Variants in CCDC191 observed in about 807,000 individuals in gnomAD.
CCDC191 encodes the protein coiled-coil domain containing 191.
CCDC191 carries 99 observed loss-of-function variants against 114.0 expected under a neutral mutation model. That is an observed-to-expected ratio of 0.87 (90% CI 0.74 to 1.03). The LOEUF is 1.03. CCDC191 is among the 50% of genes least tolerant of loss of function. The pLI is 0.00. For missense variants in CCDC191, 973 were observed against 1,087.0 expected (o/e 0.90, Z 1.47); for synonymous variants, 351 against 376.0 (o/e 0.93, Z 0.77).
At chr3:114,016,544 A>C (rs2076161309) in intron 8 of CCDC191, among the ~76,000 whole-genome samples, 1 of 152,208 alleles carries the variant, frequency 6.6e-6, no homozygotes, top group Non-Finnish European at 1.5e-5. Context: ...ATAGTAAAAA[A>C]TTATTGTAAG....
At chr3:113,999,762 T>G (rs187928886) in intron 13 of CCDC191, among the ~76,000 whole-genome samples, 2 of 152,202 alleles carry the variant, frequency 1.3e-5, no homozygotes, top group Non-Finnish European at 2.9e-5. Context: ...ATGAATACAT[T>G]TGTGCATTTT....
chr3:114,026,383 C>T (rs2076320695), intron 7 of CCDC191, among the ~76,000 whole-genome samples: 1 of 152,250 alleles, frequency 6.6e-6, no homozygotes, highest in South Asian at 2.1e-4. Flanking sequence ...CCTCCCAAGA[C>T]ATATACCACA....
intron 7 of CCDC191, among the ~76,000 whole-genome samples, chr3:114,030,992 A>T (rs2076396729): frequency 6.6e-6 from 1 of 152,214 alleles, no homozygotes; most frequent in African/African-American, 2.4e-5. Flanking sequence ...CTGAAATGTT[A>T]TAATCCCAAA....
intron 8 of CCDC191, among the ~76,000 whole-genome samples, chr3:114,011,616 A>C (rs2076071723): frequency 6.6e-6 from 1 of 152,220 alleles, no homozygotes; most frequent in Non-Finnish European, 1.5e-5. Flanking sequence ...TGTCTGCCCC[A>C]AGAAGGTACT....
intron 3 of CCDC191, among the ~76,000 whole-genome samples, chr3:114,043,708 A>G (rs763206768): frequency 8.5e-5 from 13 of 152,198 alleles, no homozygotes; most frequent in Admixed American, 2.0e-4. Context: ...AAAATAAACT[A>G]TAGGGGATAA....
At chr3:114,000,809 G>A (rs1221219113) in intron 13 of CCDC191, among the ~76,000 whole-genome samples, 4 of 151,760 alleles carry the variant, frequency 2.6e-5, no homozygotes, top group Admixed American at 6.6e-5. Flanking sequence ...GTGTCACTGC[G>A]CCCAGATGAT....
intron 7 of CCDC191, among the ~76,000 whole-genome samples, chr3:114,027,859 G>T (rs2076347114): frequency 6.6e-6 from 1 of 152,120 alleles, no homozygotes; most frequent in Non-Finnish European, 1.5e-5. Flanking sequence ...GTCATACCTA[G>T]GCTGCTGAGT....
rs1257729081 is a variant in CCDC191, at chr3:113,965,318, A to G, written c.2648T>C (p.Val883Ala). The G allele has an allele frequency of 1.2e-6, 2 of 1,610,360 alleles. No individual in the cohort carries two copies. Among genetic ancestry groups the G allele is most frequent in the Admixed American group, 1.7e-5 (1 of 59,476 alleles). Residue 883 changes from valine (V) to alanine (A), a missense_variant, in exon 17 of 17, where the codon GTA becomes GCA. Val to Ala is a moderately conservative substitution (Grantham distance 64, BLOSUM62 0). Coordinates refer to ENST00000295878, the MANE Select transcript of CCDC191 (RefSeq NM_020817.2). ...WITLRTWKKF[V>A]KFMKEERVKE... Reference sequence around the variant, plus strand: ...TACTCTTTCCTCTTTCATAAATTTTACAAACTTCTTCCATGTCCGAAGGGT... The same window carrying G: ...TACTCTTTCCTCTTTCATAAATTTTGCAAACTTCTTCCATGTCCGAAGGGT...
chr3:113,980,471 C>T (rs540052846), intron 14 of CCDC191, among the ~76,000 whole-genome samples, 179 bp downstream of exon 14: 78 of 152,192 alleles, frequency 5.1e-4, no homozygotes, highest in African/African-American at 1.8e-3. Flanking sequence ...TACAAAAGTC[C>T]TTCTCTACCT....
In CCDC191 at chr3:114,012,881, G is replaced by A. The variant is rs182271552; in HGVS notation, c.1164-1860C>T. Among the ~76,000 whole-genome samples the A allele has an allele frequency of 3.9e-5, 6 of 152,228 alleles. No homozygotes were observed. The East Asian group carries it at 1.2e-3, about 29-fold the overall frequency. ...CTGTAACTATAACAAGACTAAAAAAGTAAGAAAATGAGTAAAAAAATGCAT... is the reference window on the plus strand; with the variant it reads ...CTGTAACTATAACAAGACTAAAAAAATAAGAAAATGAGTAAAAAAATGCAT... On this transcript the variant is annotated intron_variant, in intron 8 of 16. Coordinates refer to ENST00000295878, the MANE Select transcript of CCDC191 (RefSeq NM_020817.2).
intron 8 of CCDC191, among the ~76,000 whole-genome samples, chr3:114,017,292 T>C (rs1415964031): frequency 2.6e-5 from 4 of 152,146 alleles, no homozygotes; most frequent in Non-Finnish European, 5.9e-5. Flanking sequence ...CATGAAAAGC[T>C]CAGATCAAGG....
intron 13 of CCDC191, among the ~76,000 whole-genome samples, chr3:113,990,835 G>A (rs972516759): frequency 6.7e-5 from 10 of 149,000 alleles, no homozygotes; most frequent in Non-Finnish European, 1.5e-4. Context: ...GTGTGGTGGT[G>A]CATGCTTAGA....
At chr3:114,036,413 AAATT>A (rs1385337564) in intron 5 of CCDC191, among the ~76,000 whole-genome samples, 191 bp downstream of exon 5, 1 of 151,426 alleles carries the variant, frequency 6.6e-6, no homozygotes, top group Non-Finnish European at 1.5e-5. Context: ...TTTCTTAAAT[AAATT>A]GTTTCCTACC....
At chr3:113,978,809 A>G in intron 15 of CCDC191, 49 bp downstream of exon 15, 1 of 1,567,572 alleles carries the variant, frequency 6.4e-7, no homozygotes, top group Non-Finnish European at 8.7e-7. Context: ...TTTCTTAAAT[A>G]GAATTGAGCA....
chr3:113,975,914 G>GATT (rs1428680803), intron 16 of CCDC191, among the ~76,000 whole-genome samples: 63 of 152,256 alleles, frequency 4.1e-4, no homozygotes, highest in South Asian at 4.1e-4. Flanking sequence ...TTCCTACATT[G>GATT]ATTTCACAAC....
chr3:114,001,747 A>G, intron 12 of CCDC191, 51 bp from the exon 13 acceptor site: 4 of 1,608,524 alleles, frequency 2.5e-6, no homozygotes, highest in Non-Finnish European at 2.5e-6. Context: ...TTGAACAGAA[A>G]TGTGATCTTT....
chr3:114,032,023 C>T (rs1474557445), intron 6 of CCDC191, among the ~76,000 whole-genome samples: 2 of 151,906 alleles, frequency 1.3e-5, no homozygotes, highest in Admixed American at 6.6e-5. Flanking sequence ...CTTATAGATA[C>T]TTTAGTATTT....
At chr3:114,041,025 TA>T (rs954753211) in intron 4 of CCDC191, among the ~76,000 whole-genome samples, 95 of 144,766 alleles carry the variant, frequency 6.6e-4, no homozygotes, top group Admixed American at 1.7e-3. Context: ...ATATTTCAAT[TA>T]AAAAAAAAAA....
At chr3:113,987,776 G>T (rs1216937820) in intron 13 of CCDC191, among the ~76,000 whole-genome samples, 1 of 152,202 alleles carries the variant, frequency 6.6e-6, no homozygotes, top group Non-Finnish European at 1.5e-5. Context: ...AGGTGCAGTG[G>T]CTCACGCCTG....
Sources: allele counts gnomAD v4.1 joint callset (sites outside exome capture counted in the v4.1 genomes callset), GRCh38; gene constraint gnomAD v4.1.1; transcripts MANE v1.5; gene names NCBI Gene and HGNC (gene_info 2026-07-23, HGNC 2026-07-21).